Variants in TRIM2 observed in about 807,000 individuals in gnomAD.
TRIM2 encodes tripartite motif-containing protein 2.
TRIM2 carries 20 observed loss-of-function variants against 75.2 expected under a neutral mutation model. The ratio of observed to expected loss-of-function variants is 0.27; its 90% CI spans 0.19 to 0.39. TRIM2 has a LOEUF of 0.39. Ranked by LOEUF, TRIM2 falls within the 10% of genes least tolerant of loss-of-function variation. TRIM2 has a pLI of 1.00. For synonymous variants in TRIM2, 373 were observed against 388.3 expected (o/e 0.96, Z 0.46); for missense variants, 660 against 990.8 (o/e 0.67, Z 4.48).
chr4:153,186,105 T>A (rs934774373), intron 1 of TRIM2, among the ~76,000 whole-genome samples: 1 of 152,112 alleles, frequency 6.6e-6, no homozygotes, highest in Non-Finnish European at 1.5e-5. Context: ...GGGAGGCTGG[T>A]ACACATCCTG....
intron 10 of TRIM2, among the ~76,000 whole-genome samples, chr4:153,324,672 G>A (rs1426357237): frequency 2.0e-5 from 3 of 152,056 alleles, no homozygotes; most frequent in African/African-American, 4.8e-5. Context: ...TTTCTTACTA[G>A]GTACCAGGGG....
Position 153,248,124 on chromosome 4 carries a change from T to A in TRIM2, c.31-22211T>A, listed in dbSNP as rs1749821335. Among the ~76,000 whole-genome samples the A allele has an allele frequency of 6.6e-6, 1 of 151,562 alleles. No homozygotes were observed. The highest frequency in any genetic ancestry group is 2.1e-4 in the South Asian group (1 of 4,804). On this transcript the variant is annotated intron_variant, in intron 1 of 11. Coordinates refer to ENST00000338700, the MANE Select transcript of TRIM2 (RefSeq NM_015271.5). The surrounding 1 kb of genome is among the most constrained non-coding windows in gnomAD (Gnocchi z 4.0). ...GATTCTTGTGCTTCAGCCTCCTGAA[T>A]AGCTGGGATTACAGGCGCCTGCCAC... is the stretch of plus-strand genomic sequence containing the variant.
intron 1 of TRIM2, among the ~76,000 whole-genome samples, chr4:153,207,560 C>A (rs1215415915): frequency 6.6e-6 from 1 of 152,176 alleles, no homozygotes; most frequent in African/African-American, 2.4e-5. Flanking sequence ...CAGTGCACAG[C>A]AAATATTCAG....
chr4:153,201,661 C>G (rs891220543), upstream of TRIM2, among the ~76,000 whole-genome samples: 1 of 151,982 alleles, frequency 6.6e-6, no homozygotes, highest in African/African-American at 2.4e-5. Flanking sequence ...GGCCACTGCA[C>G]TCCAGCCTGG....
At chr4:153,204,584 A>T in intron 1 of TRIM2, 24 bp downstream of exon 1, 2 of 1,551,654 alleles carry the variant, frequency 1.3e-6, no homozygotes, top group African/African-American at 2.7e-5. Flanking sequence ...TCAATGTGGG[A>T]TAATTCTTTT....
At chr4:153,160,106 C>T (rs1263761307) in intron 1 of TRIM2, among the ~76,000 whole-genome samples, 1 of 152,170 alleles carries the variant, frequency 6.6e-6, no homozygotes, top group African/African-American at 2.4e-5. Flanking sequence ...GAATATGAGT[C>T]AGTTACAATC....
rs943810322 is a variant in TRIM2 at position 153,275,887 on chromosome 4, C to T, written c.216-6C>T. The T allele has an allele frequency of 2.5e-6, 4 of 1,613,306 alleles. No individual in the cohort carries two copies. Among genetic ancestry groups the T allele is most frequent in the East Asian group, 2.2e-5 (1 of 44,890 alleles). On this transcript the variant is annotated splice_polypyrimidine_tract_variant and splice_region_variant and intron_variant, in intron 2 of 11. Transcript: ENST00000338700. ...GCTAAGCTCTCCACCTCTGCTTCTG[C>T]AACAGGTGCCTGCAGAACTACATTC...
Position 153,279,412 on chromosome 4 carries a change from C to G in TRIM2, c.453+3282C>G, listed in dbSNP as rs574463830. 8.5e-5 allele frequency among the ~76,000 whole-genome samples: 13 copies of G among 152,188 alleles called. No individual in the cohort carries two copies. The East Asian group carries it at 2.5e-3, about 29-fold the overall frequency. On this transcript the variant is annotated intron_variant, in intron 3 of 11. Transcript: ENST00000338700. ...ATGCACTAAAATTACATTAGTAACACATGTTTATGGGGAAAAAACAAATCT... is the reference window on the plus strand; with the variant it reads ...ATGCACTAAAATTACATTAGTAACAGATGTTTATGGGGAAAAAACAAATCT...
chr4:153,314,388 C>G lies in TRIM2; in HGVS notation c.1511-1097C>G, dbSNP rs1482977481. On this transcript the variant is annotated intron_variant, in intron 6 of 11. Coordinates refer to ENST00000338700, the MANE Select transcript of TRIM2 (RefSeq NM_015271.5). ...TGAGCCGAGATCCCGCCACTGCACT[C>G]CAGCCTGGGCGACAGAGCGAGACTC... Among the ~76,000 whole-genome samples, 2 of 142,610 alleles carry G rather than the reference C, an allele frequency of 1.4e-5. 1 individual carries two copies. Among genetic ancestry groups the G allele is most frequent in the African/African-American group, 5.3e-5 (2 of 37,686 alleles). The allele number at this position is 142,610 out of a possible 152,430, so 93.6% of individuals were successfully genotyped here. A position where few individuals can be genotyped will look rare whatever the true frequency, so the allele number is the denominator to read the frequency against.
intron 1 of TRIM2, among the ~76,000 whole-genome samples, chr4:153,219,876 A>T (rs750483741): frequency 5.9e-5 from 9 of 152,346 alleles, no homozygotes; most frequent in Non-Finnish European, 1.0e-4. Context: ...TCGAAAAAAT[A>T]AAAATAAATA....
chr4:153,200,724 A>T (rs576210822), upstream of TRIM2, among the ~76,000 whole-genome samples: 4,013 of 138,084 alleles, frequency 0.029, 95 homozygotes, highest in Middle Eastern at 0.083. Context: ...AAGAAAAAAA[A>T]ATATATATAT....
intron 11 of TRIM2, among the ~76,000 whole-genome samples, chr4:153,329,701 G>T (rs956426864): frequency 2.0e-5 from 3 of 151,920 alleles, no homozygotes. Context: ...GCCAGGTGTG[G>T]TGGCAGGCGC....
chr4:153,297,971 A>C (rs548740338), intron 6 of TRIM2, among the ~76,000 whole-genome samples: 32 of 152,018 alleles, frequency 2.1e-4, no homozygotes, highest in African/African-American at 6.5e-4. Flanking sequence ...TCATCATCAT[A>C]ATCATCATCA....
chr4:153,333,940 A>T (rs141646932), intron 11 of TRIM2, among the ~76,000 whole-genome samples: 1 of 152,188 alleles, frequency 6.6e-6, no homozygotes, highest in East Asian at 1.9e-4. Context: ...ATACCAGGGG[A>T]TGGCTTTACC....
At chr4:153,201,422 A>ATTTATTTTATT (rs1483292655), upstream of TRIM2, among the ~76,000 whole-genome samples, 32 of 152,160 alleles carry the variant, frequency 2.1e-4, no homozygotes, top group Admixed American at 4.6e-4. Context: ...GAATTGCAGG[A>ATTTATTTTATT]GTTTTAAAAA....
Position 153,336,021 on chromosome 4 carries a change from C to T in TRIM2, c.*1055C>T, listed in dbSNP as rs972492367. 101 of 985,566 alleles carry T rather than the reference C, an allele frequency of 1.0e-4. No individual in the cohort carries two copies. Among genetic ancestry groups the T allele is most frequent in the Admixed American group, 1.2e-4 (2 of 16,258 alleles). The allele number at this position is 985,566 out of a possible 1,614,324, so 61.1% of individuals were successfully genotyped here. On this transcript the variant is annotated 3_prime_UTR_variant, in exon 12 of 12. Coordinates refer to ENST00000338700, the MANE Select transcript of TRIM2 (RefSeq NM_015271.5). Reference sequence around the variant, plus strand: ...AAGTTGTGTTATCTTGAAAGCATTACAGGTAAGGGCATGTTATGGTTATTT... The same window carrying T: ...AAGTTGTGTTATCTTGAAAGCATTATAGGTAAGGGCATGTTATGGTTATTT...
chr4:153,257,149 T>C (rs1022089744), intron 1 of TRIM2, among the ~76,000 whole-genome samples: 4 of 152,188 alleles, frequency 2.6e-5, no homozygotes, highest in Non-Finnish European at 5.9e-5. Context: ...CTTCGTCTGA[T>C]TTGTAGCACT....
chr4:153,249,350 G>T (rs186405219), intron 1 of TRIM2, among the ~76,000 whole-genome samples: 77 of 152,302 alleles, frequency 5.1e-4, no homozygotes, highest in African/African-American at 1.8e-3. Flanking sequence ...AGCCTGCGGG[G>T]TGAAAGCCCC....
Position 153,174,072 on chromosome 4 carries a change from G to A in TRIM2, c.-49+20802G>A, listed in dbSNP as rs1034123217. Among the ~76,000 whole-genome samples the A allele has an allele frequency of 1.1e-4, 5 of 46,848 alleles. No individual in the cohort carries two copies. In the South Asian group the frequency reaches 2.5e-3, roughly 24 times the overall value. The allele number at this position is 46,848 out of a possible 152,430, so 30.7% of individuals were successfully genotyped here. A position where few individuals can be genotyped will look rare whatever the true frequency, so the allele number is the denominator to read the frequency against. On this transcript the variant is annotated intron_variant, in intron 1 of 11. Coordinates refer to the TRIM2 transcript ENST00000437508. ...AGTAGCAGAAGCCCCAGGCCCCCGG[G>A]TGGGAATAGCCCTCGTGGGTGCCTG...
Sources: gnomAD v4.1 joint callset for allele counts (sites outside exome capture counted in the v4.1 genomes callset) on GRCh38, gnomAD v4.1.1 for gene constraint, Gnocchi (gnomAD v3.1) non-coding constraint, MANE v1.5 for transcripts, NCBI Gene and HGNC (gene_info 2026-07-23, HGNC 2026-07-21) for gene names.